CADPS2: variants seen among roughly 807,000 people sequenced by gnomAD.
CADPS2 encodes calcium-dependent secretion activator 2.
CADPS2 carries 93 observed loss-of-function variants against 172.5 expected under a neutral mutation model. The observed-to-expected ratio is 0.54, with a 90% CI of 0.46 to 0.64. The LOEUF is 0.64. Ranked by LOEUF, CADPS2 falls within the 30% of genes least tolerant of loss-of-function variation. The pLI is 0.00. For missense variants in CADPS2, 1,420 were observed against 1,565.9 expected, an observed-to-expected ratio of 0.91 and a Z score of 1.57; for synonymous variants, 546 against 555.2, an observed-to-expected ratio of 0.98 and a Z score of 0.23.
chr7:122,446,819 G>A (rs1352894581), intron 15 of CADPS2, among the ~76,000 whole-genome samples: 1 of 152,150 alleles, frequency 6.6e-6, no homozygotes, highest in Non-Finnish European at 1.5e-5. Flanking sequence ...CTCCTTTCTG[G>A]ATCATGGCCT....
intron 11 of CADPS2, among the ~76,000 whole-genome samples, chr7:122,482,357 T>C (rs1345881087): frequency 6.6e-6 from 1 of 152,166 alleles, no homozygotes; most frequent in African/African-American, 2.4e-5. Context: ...AGACTATTGA[T>C]ACCTAGTGGG....
rs532240649 is a variant in CADPS2, at chr7:122,732,823, T to A, written c.453+4132A>T. Among the ~76,000 whole-genome samples the A allele has an allele frequency of 3.3e-3, 462 of 138,028 alleles. 1 individual carries two copies. Among genetic ancestry groups the A allele is most frequent in the African/African-American group, 0.012 (445 of 36,400 alleles). 90.6% of individuals were successfully genotyped at this position (138,028 alleles called of 152,430 possible). ...TATATATTATATACATAATGTATAT[T>A]ATATATAATATACATTATATATGCT... On this transcript the variant is annotated intron_variant, in intron 2 of 29. Coordinates refer to ENST00000449022, the MANE Select transcript of CADPS2 (RefSeq NM_017954.11).
At chr7:122,509,046 A>C (rs1457580888) in intron 9 of CADPS2, among the ~76,000 whole-genome samples, 1 of 152,114 alleles carries the variant, frequency 6.6e-6, no homozygotes, top group East Asian at 1.9e-4. Context: ...TGTTCACTTC[A>C]CTTTATCTTA....
chr7:122,856,564 C>A (rs752991513), intron 1 of CADPS2, among the ~76,000 whole-genome samples: 13 of 152,138 alleles, frequency 8.5e-5, no homozygotes, highest in Non-Finnish European at 1.6e-4. Context: ...CAGGTTTTCA[C>A]ACACCTCAAA....
At chr7:122,520,610 T>C (rs1267882820) in intron 8 of CADPS2, among the ~76,000 whole-genome samples, 1 of 152,062 alleles carries the variant, frequency 6.6e-6, no homozygotes, top group Non-Finnish European at 1.5e-5. Context: ...ATATTCTCTA[T>C]GCCAGATTTT....
At chr7:122,380,020 A>G (rs1156535975) in intron 24 of CADPS2, among the ~76,000 whole-genome samples, 1 of 152,112 alleles carries the variant, frequency 6.6e-6, no homozygotes, top group East Asian at 1.9e-4. Context: ...GATGGTAACA[A>G]ATTAATAGGC....
intron 12 of CADPS2, chr7:122,480,256 C>A (rs1476151918): frequency 6.9e-6 from 2 of 291,662 alleles, no homozygotes; most frequent in Non-Finnish European, 1.5e-5. Context: ...TAGTAATGTC[C>A]CAAAAAGATA....
chr7:122,742,937 A>AAAGG (rs1246621546), intron 1 of CADPS2, among the ~76,000 whole-genome samples: 1 of 151,926 alleles, frequency 6.6e-6, no homozygotes, highest in East Asian at 1.9e-4. Context: ...CATTATATAT[A>AAAGG]CTCCTTCAGT....
intron 27 of CADPS2, among the ~76,000 whole-genome samples, chr7:122,351,993 A>G (rs917106228): frequency 6.6e-6 from 1 of 152,200 alleles, no homozygotes; most frequent in Admixed American, 6.5e-5. Flanking sequence ...ATAGTTTAAG[A>G]TATTAGCCTG....
intron 1 of CADPS2, among the ~76,000 whole-genome samples, chr7:122,804,073 C>T (rs1798276239): frequency 6.6e-6 from 1 of 151,556 alleles, no homozygotes; most frequent in African/African-American, 2.4e-5. Context: ...GTCACTCATT[C>T]CCAGCTACCA....
chr7:122,497,138 A>G (rs2058798530), intron 9 of CADPS2, among the ~76,000 whole-genome samples: 2 of 152,092 alleles, frequency 1.3e-5, no homozygotes, highest in African/African-American at 4.8e-5. Context: ...TCACAAAACT[A>G]TACAATCTTT....
chr7:122,697,990 A>G (rs758847364), intron 2 of CADPS2: 1 of 1,613,512 alleles, frequency 6.2e-7, no homozygotes, highest in Non-Finnish European at 8.5e-7. Flanking sequence ...TCCATTTTCA[A>G]CAACCACTTG....
In CADPS2 at chr7:122,364,818, T is replaced by A. The variant is rs2040648216; in HGVS notation, c.3388-3805A>T. The stretch of plus-strand genomic sequence containing the variant: ...CATACAAAAACACAACAGTCTTAGA[T>A]CTTTCCCTTTGGGAAATACAAACTA... On this transcript the variant is annotated intron_variant, in intron 25 of 29. Coordinates refer to ENST00000449022, the MANE Select transcript of CADPS2 (RefSeq NM_017954.11). 2.6e-5 allele frequency among the ~76,000 whole-genome samples: 4 copies of A among 152,104 alleles called. No individual in the cohort carries two copies. In the South Asian group the frequency reaches 8.3e-4, roughly 31 times the overall value.
At chr7:122,408,056 C>T (rs2046860543) in intron 19 of CADPS2, among the ~76,000 whole-genome samples, 1 of 151,698 alleles carries the variant, frequency 6.6e-6, no homozygotes, top group Admixed American at 6.6e-5. Flanking sequence ...TATTTACTTC[C>T]AATATTTCTT....
intron 28 of CADPS2, among the ~76,000 whole-genome samples, chr7:122,326,632 CAT>C (rs1465658006): frequency 1.3e-5 from 2 of 151,846 alleles, no homozygotes; most frequent in African/African-American, 4.8e-5. Flanking sequence ...GTCCAGATCA[CAT>C]ATGTGTGTGC....
chr7:122,584,043 A>G (rs1205888681), intron 6 of CADPS2, among the ~76,000 whole-genome samples: 1 of 151,634 alleles, frequency 6.6e-6, no homozygotes, highest in Non-Finnish European at 1.5e-5. Context: ...GAGTAGGCTA[A>G]TACTTTATTT....
intron 1 of CADPS2, among the ~76,000 whole-genome samples, chr7:122,873,972 G>A (rs1563224302): frequency 6.6e-6 from 1 of 151,794 alleles, no homozygotes; most frequent in Non-Finnish European, 1.5e-5. Flanking sequence ...ATTTTGAGAA[G>A]TGTCTGTTCA....
chr7:122,809,105 G>A (rs970814659), intron 1 of CADPS2, among the ~76,000 whole-genome samples: 59 of 152,196 alleles, frequency 3.9e-4, no homozygotes, highest in African/African-American at 1.3e-3. Flanking sequence ...TCTGCTTCAT[G>A]TGGTTTTCTG....
intron 6 of CADPS2, among the ~76,000 whole-genome samples, chr7:122,612,847 T>C (rs1196384890): frequency 1.3e-5 from 2 of 152,094 alleles, no homozygotes; most frequent in East Asian, 1.9e-4. Context: ...AGAATAGACA[T>C]ATAGATTGGT....
Sources: gnomAD v4.1 joint callset for allele counts (sites outside exome capture counted in the v4.1 genomes callset) on GRCh38, gnomAD v4.1.1 for gene constraint, MANE v1.5 for transcripts, NCBI Gene and HGNC (gene_info 2026-07-23, HGNC 2026-07-21) for gene names.